The following DGKQ variants were observed in gnomAD, a reference collection of about 807,000 sequenced individuals.
The protein encoded by DGKQ is DAG kinase theta.
A neutral mutation model predicts 104.2 loss-of-function variants in DGKQ; 97 were observed. The observed-to-expected ratio is 0.93, with a 90% confidence interval of 0.79 to 1.10. The LOEUF (loss-of-function observed/expected upper bound fraction) is 1.10, where lower values mean the gene tolerates loss of function less well. Ranked by LOEUF, DGKQ falls within the 50% of genes least tolerant of loss-of-function variation. The probability of loss-of-function intolerance (pLI) is 0.00; values close to 1 mark genes in which losing one functional copy is unlikely to be tolerated. For missense variants in DGKQ, 1,465 were observed against 1,352.1 expected, an observed-to-expected ratio of 1.08 and a Z score of -1.31; for synonymous variants, 736 against 595.2, an observed-to-expected ratio of 1.24 and a Z score of -3.44.
chr4:964,322 T>C (rs998137601), intron 15 of DGKQ, among the ~76,000 whole-genome samples: 1 of 152,162 alleles, frequency 6.6e-6, no homozygotes. Flanking sequence ...TCGCCTGGAC[T>C]GGGGTCACGA....
chr4:968,069 T>G, intron 5 of DGKQ, 42 bp from the exon 6 acceptor site: 1 of 1,340,910 alleles, frequency 7.5e-7, no homozygotes, highest in Non-Finnish European at 9.7e-7. Context: ...GGAGCCAGGG[T>G]GCGGGGGCAC....
At position 959,325 on chromosome 4, in the gene DGKQ, G is replaced by C. The variant is rs1711687046; in HGVS notation, c.*1295C>G. On this transcript the variant is annotated 3_prime_UTR_variant, in exon 23 of 23. Coordinates refer to ENST00000273814, the MANE Select transcript of DGKQ (RefSeq NM_001347.4). ...CACCCAGGAAAGCTCCGCAGGATTG[G>C]AGGCCCAGGCCAGCTGTGCCCCACA... 6.6e-6 allele frequency: 1 copy of C among 152,554 alleles called. No individual in the cohort carries two copies. The highest frequency in any genetic ancestry group is 6.5e-5 in the Admixed American group (1 of 15,290). The allele number at this position is 152,554 out of a possible 1,614,324, so 9.5% of individuals were successfully genotyped here.
intron 2 of DGKQ, 124 bp downstream of exon 2, chr4:970,869 G>T: frequency 1.5e-6 from 1 of 678,390 alleles, no homozygotes; most frequent in Non-Finnish European, 2.6e-6. Context: ...AGCAGTATCT[G>T]CCCTTTGCCT....
chr4:962,640 C>A (rs763014320), intron 17 of DGKQ, 27 bp from the exon 18 acceptor site: 1 of 1,599,912 alleles, frequency 6.3e-7, no homozygotes, highest in Non-Finnish European at 8.5e-7. Context: ...CACAGAGCAT[C>A]TGTCCACACC....
chr4:963,345 G>A, intron 15 of DGKQ, 55 bp from the exon 16 acceptor site: 17 of 1,516,780 alleles, frequency 1.1e-5, no homozygotes, highest in Non-Finnish European at 1.5e-5. Context: ...TGTCCCCACT[G>A]CTGGGGTTGC....
chr4:966,337 C>A, intron 12 of DGKQ, 129 bp downstream of exon 12: 1 of 1,071,560 alleles, frequency 9.3e-7, no homozygotes. Context: ...GAGGGCGCTG[C>A]CCTGTCAGCC....
At chr4:968,987 C>T (rs893169559) in intron 2 of DGKQ, 77 bp from the exon 3 acceptor site, 17 of 935,848 alleles carry the variant, frequency 1.8e-5, no homozygotes, top group East Asian at 2.7e-5. Flanking sequence ...TCTTCACCTG[C>T]GCAACTCTGC....
In DGKQ at chr4:962,862, T is replaced by C; in HGVS notation, c.1945A>G (p.Thr649Ala). 1 of 1,608,502 alleles carries C rather than the reference T, an allele frequency of 6.2e-7. No homozygotes were observed. The highest frequency in any genetic ancestry group is 8.5e-7 in the Non-Finnish European group (1 of 1,178,230). Residue 649 changes from threonine (T) to alanine (A), a missense_variant, in exon 17 of 23, where the codon ACT becomes GCT. By Grantham distance (58) the Thr-to-Ala change is moderately conservative. Transcript: ENST00000273814. The stretch of plus-strand genomic sequence containing the variant: ...AGGGCGCCAAGCACCCAGCCCACAG[T>C]GCCATCGCCACCACACACCAGCACC... ...FRVLVCGGDG[T>A]VGWVLGALEE... is the part of the protein sequence containing the mutation.
At position 965,386 on chromosome 4, in the gene DGKQ, C is replaced by T. The variant is rs900704768; in HGVS notation, c.1619-95G>A. On this transcript the variant is annotated intron_variant, in intron 14 of 22. Transcript: ENST00000273814. ...ACCAGGACGTTTCCCCAGCCCAGGG[C>T]TGCCCAAGGGAAAGGTCAGGTGCTA... 5 of 1,549,280 alleles carry T rather than the reference C, an allele frequency of 3.2e-6. No individual in the cohort carries two copies. The African/African-American group carries it at 5.4e-5, about 17-fold the overall frequency.
chr4:968,031 G>A lies in DGKQ; in HGVS notation c.664-4C>T, dbSNP rs1309666179. Reference sequence around the variant, plus strand: ...CCGCGGAGCAGAGGGAGTGCGCCTGGGGGGAGAAGGGCCTGAGCTGGGGGG... The same window carrying A: ...CCGCGGAGCAGAGGGAGTGCGCCTGAGGGGAGAAGGGCCTGAGCTGGGGGG... On this transcript the variant is annotated splice_region_variant and splice_polypyrimidine_tract_variant and intron_variant, in intron 5 of 22. Coordinates refer to ENST00000273814, the MANE Select transcript of DGKQ (RefSeq NM_001347.4). 3.5e-6 allele frequency: 5 copies of A among 1,424,870 alleles called. No homozygotes were observed. The highest frequency in any genetic ancestry group is 3.0e-5 in the African/African-American group (2 of 66,828). 88.3% of individuals were successfully genotyped at this position (1,424,870 alleles called of 1,614,324 possible). A position where few individuals can be genotyped will look rare whatever the true frequency, so the allele number is the denominator to read the frequency against.
At chr4:967,440 G>C in intron 8 of DGKQ, 79 bp from the exon 9 acceptor site, 2 of 1,357,840 alleles carry the variant, frequency 1.5e-6, no homozygotes, top group Non-Finnish European at 2.0e-6. Flanking sequence ...TGGAGGGGGA[G>C]GCCAGGTGGG....
intron 10 of DGKQ, 60 bp from the exon 11 acceptor site, chr4:966,862 CG>C: frequency 6.4e-7 from 1 of 1,571,134 alleles, no homozygotes. Flanking sequence ...AGGACACCCG[CG>C]GGGACAGCCA....
At position 968,408 on chromosome 4, in the gene DGKQ, C is replaced by A. The variant is rs1276221410; in HGVS notation, c.538-1G>T. 6.3e-7 allele frequency: 1 copy of A among 1,581,594 alleles called. No homozygotes were observed. Among genetic ancestry groups the A allele is most frequent in the South Asian group, 1.1e-5 (1 of 87,220 alleles). On this transcript the variant is annotated splice_acceptor_variant, in intron 4 of 22. Coordinates refer to ENST00000273814, the MANE Select transcript of DGKQ (RefSeq NM_001347.4). LOFTEE classifies it high-confidence loss of function. Reference sequence around the variant, plus strand: ...CCCGCCAGTGGTGGTGATGGGTGTCCTGCAGAGCGGGGGCAGTCAGCAGCT... The same window carrying A: ...CCCGCCAGTGGTGGTGATGGGTGTCATGCAGAGCGGGGGCAGTCAGCAGCT...
At position 973,319 on chromosome 4, in the gene DGKQ, G is replaced by T; in HGVS notation, c.164C>A (p.Pro55His). 1 of 1,455,964 alleles carries T rather than the reference G, an allele frequency of 6.9e-7. No homozygotes were observed. Among genetic ancestry groups the T allele is most frequent in the Non-Finnish European group, 9.1e-7 (1 of 1,099,478 alleles). The allele number at this position is 1,455,964 out of a possible 1,614,324, so 90.2% of individuals were successfully genotyped here. ...GAAGCTGTGTCCCGGCGCGGCAGCGGGGCCCGGGGCTCTGACGCCCGCCCG... is the reference window on the plus strand; with the variant it reads ...GAAGCTGTGTCCCGGCGCGGCAGCGTGGCCCGGGGCTCTGACGCCCGCCCG... ...PERAGVRAPG[P>H]AAAPGHSFRK... Residue 55 changes from proline to histidine, a missense_variant, in exon 1 of 23, where the codon CCC (proline) becomes CAC (histidine). Transcript: ENST00000273814.
intron 11 of DGKQ, 43 bp downstream of exon 11, chr4:966,705 A>G (rs372920103): frequency 1.7e-4 from 265 of 1,580,336 alleles, no homozygotes; most frequent in Non-Finnish European, 2.3e-4. Context: ...CCAAACCCAA[A>G]AGGTGCAGGG....
At position 967,146 on chromosome 4, in the gene DGKQ, G is replaced by T. The variant is rs918675471; in HGVS notation, c.1203C>A (p.Ile401=). 1 of 1,596,514 alleles carries T rather than the reference G, an allele frequency of 6.3e-7. No homozygotes were observed. Residue 401 remains isoleucine (I), a synonymous_variant, in exon 9 of 23, where the codon ATC becomes ATA. Coordinates refer to ENST00000273814, the MANE Select transcript of DGKQ (RefSeq NM_001347.4). ...ALPRAQEVLK[I]YPGWLKVGVA... ...AGTCTCACTTGAGCCAGCCAGGGTAGATCTTCAGGACCTCCTGGGCCCGCG... is the reference window on the plus strand; with the variant it reads ...AGTCTCACTTGAGCCAGCCAGGGTATATCTTCAGGACCTCCTGGGCCCGCG...
chr4:963,207 G>C lies in DGKQ; in HGVS notation c.1818C>G (p.Leu606=), dbSNP rs370265961. The change falls in exon 16 of 23, where the codon CTC becomes CTG. Residue 606 remains leucine, a synonymous_variant. Transcript: ENST00000273814. ...KSGGLKGRDL[L]CSFRKLLNPH... ...GGTTCAGTAGCTTCCGGAAGCTGCA[G>C]AGCAGGTCTCGGCCCTTGAGGCCTC... The C allele has an allele frequency of 2.5e-6, 4 of 1,611,598 alleles. No homozygotes were observed. The highest frequency in any genetic ancestry group is 3.4e-6 in the Non-Finnish European group (4 of 1,178,900).
chr4:971,821 C>A lies in DGKQ; in HGVS notation c.272-749G>T, dbSNP rs937811077. On this transcript the variant is annotated intron_variant, in intron 1 of 22. Coordinates refer to ENST00000273814, the MANE Select transcript of DGKQ (RefSeq NM_001347.4). The surrounding 1 kb of genome is among the most constrained non-coding windows in gnomAD (Gnocchi z 4.0). Reference sequence around the variant, plus strand: ...CCCAGTGACACAACTGCCAAGACAGCCCCGGGTGAAGGTTGTGCCACGGAG... The same window carrying A: ...CCCAGTGACACAACTGCCAAGACAGACCCGGGTGAAGGTTGTGCCACGGAG... Among the ~76,000 whole-genome samples the A allele has an allele frequency of 1.3e-5, 2 of 152,118 alleles. No individual in the cohort carries two copies. Among genetic ancestry groups the A allele is most frequent in the African/African-American group, 4.8e-5 (2 of 41,410 alleles).
At chr4:964,603 GC>G (rs1280022391) in intron 15 of DGKQ, among the ~76,000 whole-genome samples, 1 of 151,982 alleles carries the variant, frequency 6.6e-6, no homozygotes, top group African/African-American at 2.4e-5. Flanking sequence ...GTTGCCAGGT[GC>G]CCCCTCTTCT....
Sources: gnomAD v4.1 joint callset for allele counts (sites outside exome capture counted in the v4.1 genomes callset) on GRCh38, gnomAD v4.1.1 for gene constraint, Gnocchi (gnomAD v3.1) non-coding constraint, MANE v1.5 for transcripts, NCBI Gene and HGNC (gene_info 2026-07-23, HGNC 2026-07-21) for gene names.